The following DCAF12 variants were observed in gnomAD, a reference collection of about 807,000 sequenced individuals.
The protein encoded by DCAF12 is DDB1 and CUL4 associated factor 12.
A neutral mutation model predicts 52.8 loss-of-function variants in DCAF12; 28 were observed. That is an observed-to-expected ratio of 0.53 (90% CI 0.39 to 0.73). DCAF12 has a LOEUF of 0.73. Among genes scored for constraint, DCAF12 ranks in the 30% least tolerant of loss-of-function variants. The probability of loss-of-function intolerance (pLI) is 0.00; values close to 1 mark genes in which losing one functional copy is unlikely to be tolerated. For synonymous variants in DCAF12, 196 were observed against 215.5 expected (o/e 0.91, Z 0.79); for missense variants, 425 against 552.2 (o/e 0.77, Z 2.31).
At chr9:34,109,794 C>A in intron 2 of DCAF12, 2 of 344,404 alleles carry the variant, frequency 5.8e-6, no homozygotes, top group South Asian at 2.8e-5. Flanking sequence ...CCAGGTGGCT[C>A]AGGACACCAT....
chr9:34,096,885 G>A (rs183819703), intron 5 of DCAF12, 104 bp from the exon 6 acceptor site: 207 of 985,206 alleles, frequency 2.1e-4, no homozygotes, highest in African/African-American at 1.3e-3. Flanking sequence ...TTCCTGTCTC[G>A]TGATGATTCC....
intron 6 of DCAF12, 66 bp downstream of exon 6, chr9:34,096,650 A>G (rs1828739811): frequency 7.2e-7 from 1 of 1,381,702 alleles, no homozygotes; most frequent in South Asian, 1.2e-5. Flanking sequence ...AAGCTCAGCT[A>G]GAATTACAGT....
At chr9:34,106,397 G>A in intron 4 of DCAF12, 37 bp downstream of exon 4, 3 of 1,546,872 alleles carry the variant, frequency 1.9e-6, no homozygotes, top group African/African-American at 1.4e-5. Flanking sequence ...CCCAATCCCT[G>A]CCACATCAAA....
At chr9:34,091,198 G>A (rs976013174) in intron 7 of DCAF12, among the ~76,000 whole-genome samples, 4 of 151,710 alleles carry the variant, frequency 2.6e-5, no homozygotes, top group Non-Finnish European at 2.9e-5. Flanking sequence ...ATGGTGGTAC[G>A]CGCCTGTAGT....
rs1014920003 is a variant in DCAF12 at position 34,098,348 on chromosome 9, A to C, written c.771T>G (p.Ala257=). 18 of 1,614,022 alleles carry C rather than the reference A, an allele frequency of 1.1e-5. No individual in the cohort carries two copies. The highest frequency in any genetic ancestry group is 1.5e-5 in the Non-Finnish European group (18 of 1,179,998). Residue 257 remains alanine, a synonymous_variant, in exon 5 of 9, where the codon GCT becomes GCG. Coordinates refer to ENST00000361264, the MANE Select transcript of DCAF12 (RefSeq NM_015397.4). ...DTNPDNCKVR[A]LAFNNKNKEL... ...CCTTGTTCTTGTTGTTGAAGGCCAG[A>C]GCCCGAACCTTGCAGTTGTCAGGGT...
chr9:34,125,162 C>A lies in DCAF12; in HGVS notation c.194G>T (p.Arg65Leu). The change falls in exon 2 of 9, where the codon CGA (arginine) becomes CTA (leucine). Residue 65 changes from arginine to leucine, a missense_variant. Transcript: ENST00000361264. ...VRLQNETSYS[R>L]VLHGYAAQQL... The stretch of plus-strand genomic sequence containing the variant: ...CTGTGCTGCATAACCATGCAACACT[C>A]GAGAGTAGCTGGTTTCATTCTGTAG... 6.2e-7 allele frequency: 1 copy of A among 1,614,054 alleles called. No homozygotes were observed. The highest frequency in any genetic ancestry group is 8.5e-7 in the Non-Finnish European group (1 of 1,180,020).
intron 7 of DCAF12, 115 bp from the exon 8 acceptor site, chr9:34,089,705 C>G: frequency 1.0e-6 from 1 of 999,850 alleles, no homozygotes; most frequent in African/African-American, 1.6e-5. Flanking sequence ...CCCCTCCACC[C>G]GCCCCACAAA....
chr9:34,119,487 G>A (rs1343599326), intron 2 of DCAF12, among the ~76,000 whole-genome samples: 4 of 152,060 alleles, frequency 2.6e-5, no homozygotes, highest in Non-Finnish European at 2.9e-5. Flanking sequence ...GCACATTACA[G>A]TCTCCATAAT....
At chr9:34,125,537 TA>T in intron 1 of DCAF12, 1 of 587,876 alleles carries the variant, frequency 1.7e-6, no homozygotes, top group Non-Finnish European at 3.3e-6. Flanking sequence ...TAGAACAGAC[TA>T]AAAGGTTTAC....
intron 4 of DCAF12, among the ~76,000 whole-genome samples, chr9:34,100,455 C>T (rs1828810840): frequency 6.6e-6 from 1 of 151,454 alleles, no homozygotes; most frequent in Non-Finnish European, 1.5e-5. Flanking sequence ...GCCTCGGCCT[C>T]CCAAAGTGCT....
rs1828655617 is a variant in DCAF12, at chr9:34,092,208, G to C, written c.1024+1078C>G. Among the ~76,000 whole-genome samples, 7 of 152,286 alleles carry C rather than the reference G, an allele frequency of 4.6e-5. 1 individual carries two copies. The South Asian group carries it at 1.5e-3, about 32-fold the overall frequency. On this transcript the variant is annotated intron_variant, in intron 7 of 8. Transcript: ENST00000361264. Reference sequence around the variant, plus strand: ...ATACGACACATAAAGTATACAATTTGAGGTTCTGACATATGTATATATCCA... The same window carrying C: ...ATACGACACATAAAGTATACAATTTCAGGTTCTGACATATGTATATATCCA...
intron 2 of DCAF12, among the ~76,000 whole-genome samples, chr9:34,123,725 C>T (rs1306604929): frequency 6.6e-6 from 1 of 152,052 alleles, no homozygotes; most frequent in Admixed American, 6.6e-5. Context: ...GTTTACAATT[C>T]AGTAATATTT....
intron 2 of DCAF12, among the ~76,000 whole-genome samples, chr9:34,118,684 C>T (rs1244450519): frequency 6.6e-6 from 1 of 152,140 alleles, no homozygotes. Flanking sequence ...GATAATATGG[C>T]CGGGCGTGGT....
Position 34,126,604 on chromosome 9 carries a change from G to A in DCAF12, c.-173C>T. ...AAAAGATAGGCGGAAAGAAAGGAAA[G>A]AGAGAGGAAGGACTTGAGCCGGGAA... On this transcript the variant is annotated 5_prime_UTR_variant, in exon 1 of 9. Coordinates refer to ENST00000361264, the MANE Select transcript of DCAF12 (RefSeq NM_015397.4). 1.4e-6 allele frequency: 1 copy of A among 701,420 alleles called. No individual in the cohort carries two copies. The highest frequency in any genetic ancestry group is 2.3e-6 in the Non-Finnish European group (1 of 433,942). The allele number at this position is 701,420 out of a possible 1,614,324, so 43.4% of individuals were successfully genotyped here.
chr9:34,096,641 A>T, intron 6 of DCAF12, 75 bp downstream of exon 6: 1 of 1,312,924 alleles, frequency 7.6e-7, no homozygotes, highest in South Asian at 1.3e-5. Context: ...ATGAAAAAAA[A>T]GCTCAGCTAG....
chr9:34,122,026 C>T (rs1342461943), intron 2 of DCAF12, among the ~76,000 whole-genome samples: 1 of 152,104 alleles, frequency 6.6e-6, no homozygotes. Context: ...TCCTGAGTTC[C>T]CTGCTCCCCC....
chr9:34,125,746 T>C (rs1190338039), intron 1 of DCAF12: 1 of 308,984 alleles, frequency 3.2e-6, no homozygotes, highest in South Asian at 2.7e-5. Flanking sequence ...TCCTCTGTCA[T>C]CATGCCCGCG....
At chr9:34,120,865 G>C (rs1163098814) in intron 2 of DCAF12, among the ~76,000 whole-genome samples, 1 of 151,324 alleles carries the variant, frequency 6.6e-6, no homozygotes, top group Admixed American at 6.6e-5. Flanking sequence ...ACCAAAACAG[G>C]AACACTGGCC....
intron 2 of DCAF12, among the ~76,000 whole-genome samples, chr9:34,113,719 G>A (rs1829041754): frequency 6.6e-6 from 1 of 152,112 alleles, no homozygotes; most frequent in South Asian, 2.1e-4. Context: ...TCTTCCATTA[G>A]GCATTTCTGA....
Sources: gnomAD v4.1 joint callset for allele counts (sites outside exome capture counted in the v4.1 genomes callset) on GRCh38, gnomAD v4.1.1 for gene constraint, MANE v1.5 for transcripts, NCBI Gene and HGNC (gene_info 2026-07-23, HGNC 2026-07-21) for gene names.